CUX1: variants seen among roughly 807,000 people sequenced by gnomAD.
The protein encoded by CUX1 is protein CASP.
Under a neutral mutation model 158.8 loss-of-function variants are expected in CUX1, and 31 were observed. The observed-to-expected ratio is 0.20, with a 90% CI of 0.15 to 0.26. The LOEUF is 0.26. Among genes scored for constraint, CUX1 ranks in the 10% least tolerant of loss-of-function variants. The pLI is 1.00. For synonymous variants in CUX1, 879 were observed against 862.1 expected, an observed-to-expected ratio of 1.02 and a Z score of -0.34; for missense variants, 1,589 against 2,014.6, an observed-to-expected ratio of 0.79 and a Z score of 4.04.
At chr7:101,923,616 AT>A in intron 2 of CUX1, among the ~76,000 whole-genome samples, 1 of 152,098 alleles carries the variant, frequency 6.6e-6, no homozygotes, top group East Asian at 1.9e-4. Context: ...GCCCTGATGT[AT>A]TTTTGCCTCT....
intron 20 of CUX1, among the ~76,000 whole-genome samples, chr7:102,224,427 A>G (rs443311): frequency 0.91 from 139,235 of 152,218 alleles, 63,867 homozygotes; most frequent in East Asian, 1. Context: ...GGCTGGTCTC[A>G]AACTCCTGTC....
At chr7:101,932,611 G>A in intron 2 of CUX1, 1 of 455,580 alleles carries the variant, frequency 2.2e-6, no homozygotes, top group East Asian at 6.9e-5. Context: ...GTTGATGTGT[G>A]CTCGGGGAAA....
intron 20 of CUX1, among the ~76,000 whole-genome samples, chr7:102,219,055 A>AACAC (rs3138788): frequency 0.078 from 9,906 of 126,246 alleles, 444 homozygotes; most frequent in African/African-American, 0.1. Context: ...CCTGCCTCAA[A>AACAC]ACACACACAC....
In CUX1 at chr7:102,253,925, C is replaced by A; in HGVS notation, c.*4883C>A. The stretch of plus-strand genomic sequence containing the variant: ...CCCTCTTCTTCACACTCCTCATTGT[C>A]CCTTCTACCTCACTAACCTGTCTTC... On this transcript the variant is annotated 3_prime_UTR_variant, in exon 24 of 24. Coordinates refer to ENST00000292535, the MANE Select transcript of CUX1 (RefSeq NM_181552.4). 1.0e-6 allele frequency: 1 copy of A among 985,658 alleles called. No individual in the cohort carries two copies. The highest frequency in any genetic ancestry group is 4.7e-5 in the South Asian group (1 of 21,282). 61.1% of individuals were successfully genotyped at this position (985,658 alleles called of 1,614,324 possible). A position where few individuals can be genotyped will look rare whatever the true frequency, so the allele number is the denominator to read the frequency against.
At chr7:102,037,267 G>A (rs1821544917) in intron 3 of CUX1, among the ~76,000 whole-genome samples, 1 of 152,192 alleles carries the variant, frequency 6.6e-6, no homozygotes, top group Non-Finnish European at 1.5e-5. Flanking sequence ...ATTACAAGGA[G>A]AGTCTTAGAT....
intron 2 of CUX1, among the ~76,000 whole-genome samples, chr7:101,986,542 C>T (rs1044967573): frequency 1.3e-5 from 2 of 152,180 alleles, no homozygotes; most frequent in African/African-American, 4.8e-5. Context: ...ATGAGGGTTG[C>T]AGGCTCCCCA....
At chr7:102,149,009 C>A (rs1835326191) in intron 8 of CUX1, among the ~76,000 whole-genome samples, 1 of 151,962 alleles carries the variant, frequency 6.6e-6, no homozygotes, top group Admixed American at 6.6e-5. Context: ...TAACTCGTTC[C>A]TTTTTAGGGC....
rs553053453 is a variant in CUX1, at chr7:102,264,889, G to A, written c.1256-8477G>A. 5.2e-5 allele frequency: 8 copies of A among 152,460 alleles called. No individual in the cohort carries two copies. The South Asian group carries it at 1.0e-3, about 20-fold the overall frequency. The allele number at this position is 152,460 out of a possible 1,614,324, so 9.4% of individuals were successfully genotyped here. Reference sequence around the variant, plus strand: ...ACCCTCATGGTTCTGCTCTTAGTACGGATAGACACAATGACCTGGCCAACA... The same window carrying A: ...ACCCTCATGGTTCTGCTCTTAGTACAGATAGACACAATGACCTGGCCAACA... On this transcript the variant is annotated intron_variant, in intron 14 of 22. Coordinates refer to the CUX1 transcript ENST00000292538.
At chr7:102,126,272 C>G (rs782197827) in intron 8 of CUX1, among the ~76,000 whole-genome samples, 114 of 151,776 alleles carry the variant, frequency 7.5e-4, no homozygotes, top group South Asian at 2.1e-4. Flanking sequence ...CTCCTGGTCT[C>G]AAGTGATCCA....
chr7:102,080,112 C>T (rs1554478090), intron 4 of CUX1, among the ~76,000 whole-genome samples: 1 of 152,202 alleles, frequency 6.6e-6, no homozygotes, highest in African/African-American at 2.4e-5. Flanking sequence ...CCTGTTGCCG[C>T]CAGGTTTTGC....
intron 2 of CUX1, among the ~76,000 whole-genome samples, chr7:101,973,720 C>T (rs1449962227): frequency 6.6e-6 from 1 of 151,790 alleles, no homozygotes; most frequent in Non-Finnish European, 1.5e-5. Flanking sequence ...ATGGGACAGG[C>T]ACTTTCTATA....
chr7:102,030,689 G>GTGTTTTTTTTTTTTTTTTTTTTTGTTTTT (rs1554459461), intron 3 of CUX1, among the ~76,000 whole-genome samples: 4 of 82,536 alleles, frequency 4.8e-5, no homozygotes, highest in South Asian at 4.8e-4. Context: ...ATTTTAAAAA[G>GTGTTTTTTTTTTTTTTTTTTTTTGTTTTT]TGTTTTTTTT....
chr7:101,838,521 G>A (rs1411817601), intron 1 of CUX1, among the ~76,000 whole-genome samples: 11 of 151,454 alleles, frequency 7.3e-5, no homozygotes, highest in Non-Finnish European at 1.5e-4. Flanking sequence ...CATCTTCAGG[G>A]CCAGGCGCGG....
At chr7:101,833,976 G>A (rs1005057965) in intron 1 of CUX1, among the ~76,000 whole-genome samples, 10 of 151,798 alleles carry the variant, frequency 6.6e-5, no homozygotes, top group Non-Finnish European at 1.5e-4. Context: ...GTGCTGGGCC[G>A]GCCCCTCTGA....
intron 2 of CUX1, among the ~76,000 whole-genome samples, chr7:101,990,874 C>T (rs534759644): frequency 1.1e-4 from 17 of 152,334 alleles, no homozygotes; most frequent in Admixed American, 4.6e-4. Context: ...GCCCTTTGCA[C>T]CTGCAACTCA....
At chr7:102,172,773 C>T (rs1366465341) in intron 10 of CUX1, among the ~76,000 whole-genome samples, 1 of 152,110 alleles carries the variant, frequency 6.6e-6, no homozygotes, top group South Asian at 2.1e-4. Context: ...TTAATTAAAA[C>T]ATTTGTTGCT....
At chr7:101,914,354 C>A (rs1803890319) in intron 1 of CUX1, among the ~76,000 whole-genome samples, 1 of 132,836 alleles carries the variant, frequency 7.5e-6, no homozygotes, top group African/African-American at 3.0e-5. Context: ...CTTCCTTCTT[C>A]CTTCCTTCCT....
chr7:102,144,670 C>CAAAA lies in CUX1; in HGVS notation c.675-13878_675-13875dup, dbSNP rs372623244. Among the ~76,000 whole-genome samples, 101 of 131,746 alleles carry CAAAA rather than the reference C, an allele frequency of 7.7e-4. 1 individual carries two copies. The highest frequency in any genetic ancestry group is 2.5e-3 in the African/African-American group (89 of 35,298). 86.4% of individuals were successfully genotyped at this position (131,746 alleles called of 152,430 possible). A position where few individuals can be genotyped will look rare whatever the true frequency, so the allele number is the denominator to read the frequency against. ...TGGGTGACAAAGCAAGACCCTGTCT[C>CAAAA]AAAAAAAAAAAAAAACAGTAAAAAT... On this transcript the variant is annotated intron_variant, in intron 8 of 23. Transcript: ENST00000292535.
intron 16 of CUX1, among the ~76,000 whole-genome samples, chr7:102,199,346 C>T (rs1412045772): frequency 3.9e-5 from 6 of 152,166 alleles, no homozygotes; most frequent in Admixed American, 3.3e-4. Context: ...GTTTTGAATG[C>T]AGTGGTTCCT....
Sources: allele counts gnomAD v4.1 joint callset (sites outside exome capture counted in the v4.1 genomes callset), GRCh38; gene constraint gnomAD v4.1.1; transcripts MANE v1.5; gene names NCBI Gene and HGNC (gene_info 2026-07-23, HGNC 2026-07-21).